The following SGIP1 variants were observed in gnomAD, a reference collection of about 807,000 sequenced individuals.
SGIP1 encodes the protein SH3GL interacting endocytic adaptor 1.
A neutral mutation model predicts 107.5 loss-of-function variants in SGIP1; 38 were observed. That is an observed-to-expected ratio of 0.35 (90% CI 0.27 to 0.46). SGIP1 has a LOEUF of 0.46. SGIP1 is among the 20% of genes least tolerant of loss of function. SGIP1 has a pLI of 1.00. For synonymous variants in SGIP1, 365 were observed against 366.1 expected, an observed-to-expected ratio of 1.00 and a Z score of 0.03; for missense variants, 929 against 1,019.5, an observed-to-expected ratio of 0.91 and a Z score of 1.21.
Position 66,743,433 on chromosome 1 carries a change from ATAG to A in SGIP1, c.*344_*346del, listed in dbSNP as rs1317555876. ...ATTTAAACTGTGGTATGTAAATTTA[ATAG>A]TAGTATTGTTGAATGGCACAATGCT... On this transcript the variant is annotated 3_prime_UTR_variant, in exon 25 of 25. Transcript: ENST00000371037. 1 of 194,676 alleles carries A rather than the reference ATAG, an allele frequency of 5.1e-6. No homozygotes were observed. The highest frequency in any genetic ancestry group is 1.3e-4 in the East Asian group (1 of 7,660). 12.1% of individuals were successfully genotyped at this position (194,676 alleles called of 1,614,324 possible).
rs1367375529 is a variant in SGIP1, at chr1:66,750,985, C to G, written c.*7890C>G. 1.3e-5 allele frequency among the ~76,000 whole-genome samples: 2 copies of G among 152,160 alleles called. No individual in the cohort carries two copies. Among genetic ancestry groups the G allele is most frequent in the Non-Finnish European group, 2.9e-5 (2 of 68,026 alleles). On this transcript the variant is annotated 3_prime_UTR_variant, in exon 25 of 25. Transcript: ENST00000371037. ...TTCCCAATCACCTATTTCACAAAAT[C>G]CTGAATATGCAATTATTTATTATGA...
chr1:66,682,326 G>A lies in SGIP1; in HGVS notation c.1272G>A (p.Ser424=), dbSNP rs61798708. The A allele has an allele frequency of 7.8e-3, 12,618 of 1,614,092 alleles. 66 individuals are homozygous for A. The highest frequency in any genetic ancestry group is 9.4e-3 in the Non-Finnish European group (11,045 of 1,180,012). The part of the protein sequence containing the change: ...PPPPTYRTVV[S]SPGPGSGPGP... ...CACCCACCTACAGGACTGTGGTTTC[G>A]TCCCCCGGACCTGGCTCGGGCCCTG... The change falls in exon 15 of 25, where the codon TCG becomes TCA. Residue 424 remains serine (S), a synonymous_variant. Transcript: ENST00000371037.
intron 3 of SGIP1, among the ~76,000 whole-genome samples, chr1:66,634,391 T>C (rs2075392727): frequency 6.6e-6 from 1 of 152,200 alleles, no homozygotes; most frequent in African/African-American, 2.4e-5. Context: ...CCTTGCTGCT[T>C]CACTATTCTC....
intron 1 of SGIP1, among the ~76,000 whole-genome samples, chr1:66,589,163 CATATATATATATATATATAT>C (rs55788345): frequency 0.027 from 1,856 of 69,810 alleles, 41 homozygotes; most frequent in African/African-American, 0.047. Context: ...TAAAAGTTTA[CATATATATATATATATATAT>C]ATATATATAT....
chr1:66,679,433 A>T (rs2086160451), intron 13 of SGIP1, among the ~76,000 whole-genome samples: 1 of 152,180 alleles, frequency 6.6e-6, no homozygotes, highest in African/African-American at 2.4e-5. Context: ...CATGAATAAA[A>T]TGGTGATATT....
rs1408851 is a variant in SGIP1, at chr1:66,635,814, C to A, written c.100-130C>A. On this transcript the variant is annotated intron_variant, in intron 3 of 24. Transcript: ENST00000371037. Reference sequence around the variant, plus strand: ...AGGAACCCTGCCAAGATTGGTAGGCCGTATGATTTGGCCTAGAGATGGTTT... The same window carrying A: ...AGGAACCCTGCCAAGATTGGTAGGCAGTATGATTTGGCCTAGAGATGGTTT... The A allele has an allele frequency of 2.0e-3, 1,698 of 866,760 alleles. 10 individuals are homozygous for A. Among genetic ancestry groups the A allele is most frequent in the African/African-American group, 0.019 (1,087 of 58,198 alleles). The allele number at this position is 866,760 out of a possible 1,614,324, so 53.7% of individuals were successfully genotyped here.
intron 18 of SGIP1, among the ~76,000 whole-genome samples, chr1:66,708,922 C>T (rs191172189): frequency 6.6e-6 from 1 of 152,178 alleles, no homozygotes. Flanking sequence ...TGAGAACTGA[C>T]TTTCTTATTT....
At chr1:66,580,178 T>A (rs2061620490) in intron 1 of SGIP1, among the ~76,000 whole-genome samples, 1 of 152,158 alleles carries the variant, frequency 6.6e-6, no homozygotes, top group Non-Finnish European at 1.5e-5. Flanking sequence ...CTTGAATGGC[T>A]TCCATCACAC....
chr1:66,720,071 A>C (rs1054410644), intron 19 of SGIP1, among the ~76,000 whole-genome samples: 9 of 152,214 alleles, frequency 5.9e-5, no homozygotes, highest in African/African-American at 2.2e-4. Context: ...TGCATATGTG[A>C]TGTAATTAAA....
At chr1:66,707,830 C>A (rs965404160) in intron 18 of SGIP1, among the ~76,000 whole-genome samples, 6 of 152,118 alleles carry the variant, frequency 3.9e-5, no homozygotes, top group African/African-American at 1.4e-4. Flanking sequence ...CCCAGAGAGC[C>A]TCTGTTAGAC....
At chr1:66,561,035 C>G (rs1382302609) in intron 1 of SGIP1, among the ~76,000 whole-genome samples, 1 of 152,074 alleles carries the variant, frequency 6.6e-6, no homozygotes, top group Non-Finnish European at 1.5e-5. Flanking sequence ...GTCCCCCAAA[C>G]AACCCTGAAA....
chr1:66,662,638 A>G (rs2081739331), intron 8 of SGIP1, among the ~76,000 whole-genome samples: 1 of 152,242 alleles, frequency 6.6e-6, no homozygotes, highest in Non-Finnish European at 1.5e-5. Flanking sequence ...ACCACATTCT[A>G]GATCTTCATT....
At chr1:66,543,659 T>A (rs1422785654) in intron 1 of SGIP1, among the ~76,000 whole-genome samples, 1 of 152,094 alleles carries the variant, frequency 6.6e-6, no homozygotes, top group Non-Finnish European at 1.5e-5. Context: ...TTTATAGCTC[T>A]CTCCCCTGAT....
At chr1:66,571,364 T>A (rs1422308982) in intron 1 of SGIP1, among the ~76,000 whole-genome samples, 7 of 151,950 alleles carry the variant, frequency 4.6e-5, no homozygotes, top group Non-Finnish European at 8.8e-5. Context: ...GGTCCCAATT[T>A]GAGCAAACAT....
At chr1:66,614,357 A>C (rs1334369434) in intron 1 of SGIP1, among the ~76,000 whole-genome samples, 1 of 152,180 alleles carries the variant, frequency 6.6e-6, no homozygotes, top group Non-Finnish European at 1.5e-5. Context: ...ATGACAGTGA[A>C]TTTATGTTAC....
At position 66,642,898 on chromosome 1, in the gene SGIP1, A is replaced by G. The variant is rs781581219; in HGVS notation, c.283+34A>G. 30 of 1,539,202 alleles carry G rather than the reference A, an allele frequency of 1.9e-5. 1 individual carries two copies. The East Asian group carries it at 4.2e-4, about 21-fold the overall frequency. On this transcript the variant is annotated intron_variant, in intron 6 of 24. Transcript: ENST00000371037. ...TCTTTATTTTTTTATTTTAATTTTC[A>G]TTCACTCTCAGAAAACAGTAGGATA...
intron 1 of SGIP1, among the ~76,000 whole-genome samples, chr1:66,613,665 T>G (rs1450583480): frequency 6.6e-6 from 1 of 152,136 alleles, no homozygotes. Context: ...TTTCTAAAAC[T>G]TGCATGATTG....
At chr1:66,698,643 A>G (rs907465870) in intron 18 of SGIP1, among the ~76,000 whole-genome samples, 4 of 151,800 alleles carry the variant, frequency 2.6e-5, no homozygotes, top group African/African-American at 9.7e-5. Flanking sequence ...CTCCCAAAGT[A>G]CTGGGATTAC....
chr1:66,636,392 A>T (rs1057475937), intron 4 of SGIP1, among the ~76,000 whole-genome samples: 1 of 152,252 alleles, frequency 6.6e-6, no homozygotes, highest in African/African-American at 2.4e-5. Context: ...TCTCAATAAC[A>T]TCAGGAATTT....
Sources: allele counts gnomAD v4.1 joint callset (sites outside exome capture counted in the v4.1 genomes callset), GRCh38; gene constraint gnomAD v4.1.1; transcripts MANE v1.5; gene names NCBI Gene and HGNC (gene_info 2026-07-23, HGNC 2026-07-21).